BLNK: variants seen among roughly 807,000 people sequenced by gnomAD.
BLNK encodes B cell linker.
BLNK carries 29 observed loss-of-function variants against 73.5 expected under a neutral mutation model. That is an observed-to-expected ratio of 0.39 (90% confidence interval 0.29 to 0.54). The LOEUF (loss-of-function observed/expected upper bound fraction) is 0.54. Ranked by LOEUF, BLNK falls within the 20% of genes least tolerant of loss-of-function variation. The probability of loss-of-function intolerance (pLI) is 0.61; values close to 1 mark genes in which losing one functional copy is unlikely to be tolerated. For synonymous variants in BLNK, 176 were observed against 200.8 expected (o/e 0.88, Z 1.04); for missense variants, 460 against 562.8 (o/e 0.82, Z 1.85).
chr10:96,203,186 T>C (rs2083695090), intron 13 of BLNK, among the ~76,000 whole-genome samples: 1 of 152,220 alleles, frequency 6.6e-6, no homozygotes, highest in African/African-American at 2.4e-5. Context: ...AACAACTGAA[T>C]GAATGACTTG....
intron 1 of BLNK, among the ~76,000 whole-genome samples, chr10:96,250,610 G>A (rs1554908915): frequency 6.6e-6 from 1 of 152,196 alleles, no homozygotes; most frequent in Non-Finnish European, 1.5e-5. Context: ...AGGCAGCAGT[G>A]AAGAATCCTA....
chr10:96,221,176 T>C (rs1399547248), intron 6 of BLNK, among the ~76,000 whole-genome samples: 2 of 152,222 alleles, frequency 1.3e-5, no homozygotes, highest in Admixed American at 1.3e-4. Context: ...ATAGACTTCA[T>C]AGGGTTAGTG....
chr10:96,213,670 T>G (rs1554899160), intron 8 of BLNK, among the ~76,000 whole-genome samples: 1 of 152,130 alleles, frequency 6.6e-6, no homozygotes, highest in African/African-American at 2.4e-5. Context: ...AAGTAGAGCT[T>G]TGTAAGAGGT....
intron 1 of BLNK, among the ~76,000 whole-genome samples, chr10:96,253,894 G>A (rs1294738873): frequency 6.6e-6 from 1 of 151,932 alleles, no homozygotes; most frequent in Non-Finnish European, 1.5e-5. Context: ...GGTGGCGGGC[G>A]CCTGTAGTCC....
At chr10:96,248,605 C>G (rs1466277639) in intron 1 of BLNK, among the ~76,000 whole-genome samples, 1 of 152,188 alleles carries the variant, frequency 6.6e-6, no homozygotes, top group African/African-American at 2.4e-5. Flanking sequence ...AAAATGGTCA[C>G]AAAATGATAT....
chr10:96,269,859 C>A (rs367728053), intron 1 of BLNK, among the ~76,000 whole-genome samples: 29 of 152,106 alleles, frequency 1.9e-4, no homozygotes, highest in African/African-American at 7.0e-4. Flanking sequence ...TTGTGTTAAG[C>A]TTTGAGTGAC....
rs1364912497 is a variant in BLNK at position 96,216,683 on chromosome 10, T to C, written c.577A>G (p.Thr193Ala). Residue 193 changes from threonine (T) to alanine (A), a missense_variant, in exon 7 of 17, where the codon ACA becomes GCA. Thr to Ala is a moderately conservative substitution (Grantham distance 58). Transcript: ENST00000224337. ...TCAGGTGGAGGTGAACTGCTTTCTG[T>C]GGGATGAATATAGTTTTCATCATTA... ...EDNDENYIHP[T>A]ESSSPPPEKA... The C allele has an allele frequency of 6.2e-7, 1 of 1,614,040 alleles. No homozygotes were observed. The highest frequency in any genetic ancestry group is 8.5e-7 in the Non-Finnish European group (1 of 1,179,998).
At chr10:96,213,516 G>T (rs1376365684) in intron 8 of BLNK, among the ~76,000 whole-genome samples, 1 of 152,190 alleles carries the variant, frequency 6.6e-6, no homozygotes, top group East Asian at 1.9e-4. Context: ...AGGATGAGTA[G>T]GATTAGGTGT....
At chr10:96,252,947 C>T (rs1371459773) in intron 1 of BLNK, among the ~76,000 whole-genome samples, 1 of 152,124 alleles carries the variant, frequency 6.6e-6, no homozygotes, top group Non-Finnish European at 1.5e-5. Context: ...AAGACTCCAA[C>T]CTAGAAAAAG....
At chr10:96,219,501 A>C (rs587647232) in intron 6 of BLNK, among the ~76,000 whole-genome samples, 2 of 152,334 alleles carry the variant, frequency 1.3e-5, no homozygotes, top group East Asian at 3.9e-4. Flanking sequence ...TGAACACAGA[A>C]TATTGGTATT....
At position 96,204,666 on chromosome 10, in the gene BLNK, C is replaced by T. The variant is rs782040366; in HGVS notation, c.818-50G>A. The T allele has an allele frequency of 3.8e-5, 60 of 1,577,078 alleles. 1 individual carries two copies. Among genetic ancestry groups the T allele is most frequent in the Non-Finnish European group, 4.2e-5 (48 of 1,147,722 alleles). On this transcript the variant is annotated intron_variant, in intron 11 of 16. Transcript: ENST00000224337. Reference sequence around the variant, plus strand: ...AGGATTAGAGTGAAATGTCTGTCCTCATCCCAAAACCCAGCAACATCAGCT... The same window carrying T: ...AGGATTAGAGTGAAATGTCTGTCCTTATCCCAAAACCCAGCAACATCAGCT...
chr10:96,200,682 C>T lies in BLNK; in HGVS notation c.1011+300G>A, dbSNP rs916287869. ...TTATATGTGATTTAATATCATCAGCCTCTACAGATCTATTTGGAGGAAATT... is the reference window on the plus strand; with the variant it reads ...TTATATGTGATTTAATATCATCAGCTTCTACAGATCTATTTGGAGGAAATT... On this transcript the variant is annotated intron_variant, in intron 14 of 16. Transcript: ENST00000224337. This position sits in a 1 kb window ranked among gnomAD's most constrained non-coding sequence, Gnocchi z 4.3. 6.6e-6 allele frequency among the ~76,000 whole-genome samples: 1 copy of T among 152,134 alleles called. No homozygotes were observed. The highest frequency in any genetic ancestry group is 1.5e-5 in the Non-Finnish European group (1 of 68,026).
intron 4 of BLNK, among the ~76,000 whole-genome samples, chr10:96,228,267 T>G (rs987298162): frequency 1.3e-5 from 2 of 151,248 alleles, no homozygotes; most frequent in Non-Finnish European, 3.0e-5. Flanking sequence ...GCCTGGCTAA[T>G]TTTTTTTTGA....
At chr10:96,267,246 G>A (rs1465761947) in intron 1 of BLNK, among the ~76,000 whole-genome samples, 1 of 152,152 alleles carries the variant, frequency 6.6e-6, no homozygotes, top group Admixed American at 6.5e-5. Flanking sequence ...AAACATAGGG[G>A]ACATGGGGGA....
intron 1 of BLNK, among the ~76,000 whole-genome samples, chr10:96,264,280 A>G (rs915101592): frequency 1.2e-4 from 19 of 152,168 alleles, no homozygotes; most frequent in African/African-American, 4.6e-4. Context: ...AGGGTGTCCA[A>G]TGGGAGGCAG....
chr10:96,204,976 C>T (rs59385217), intron 11 of BLNK: 6 of 329,340 alleles, frequency 1.8e-5, no homozygotes, highest in East Asian at 7.6e-5. Context: ...CCTCTACTTG[C>T]CATGTGGCCT....
At chr10:96,199,473 T>C (rs1554895511) in intron 15 of BLNK, 1 of 460,248 alleles carries the variant, frequency 2.2e-6, no homozygotes, top group Non-Finnish European at 4.4e-6. Flanking sequence ...AAGCCTTCCA[T>C]AGACCTCCCC....
At chr10:96,245,106 C>A (rs1842999872) in intron 2 of BLNK, among the ~76,000 whole-genome samples, 1 of 151,912 alleles carries the variant, frequency 6.6e-6, no homozygotes. Flanking sequence ...CCAAATTCTC[C>A]TCCTCTGTAA....
At chr10:96,223,007 T>C (rs879960200) in intron 6 of BLNK, among the ~76,000 whole-genome samples, 3 of 151,436 alleles carry the variant, frequency 2.0e-5, no homozygotes, top group Non-Finnish European at 4.4e-5. Context: ...TCCCAATAGA[T>C]AGAAAAAACC....
Sources: gnomAD v4.1 joint callset for allele counts (sites outside exome capture counted in the v4.1 genomes callset) on GRCh38, gnomAD v4.1.1 for gene constraint, Gnocchi (gnomAD v3.1) non-coding constraint, MANE v1.5 for transcripts, NCBI Gene and HGNC (gene_info 2026-07-23, HGNC 2026-07-21) for gene names.